The following POT1 variants were observed in gnomAD, a reference collection of about 807,000 sequenced individuals.
POT1 encodes protection of telomeres 1.
A neutral mutation model predicts 78.5 loss-of-function variants in POT1; 47 were observed. That is an observed-to-expected ratio of 0.60 (90% CI 0.47 to 0.76). The LOEUF (loss-of-function observed/expected upper bound fraction) is 0.76. POT1 is among the 30% of genes least tolerant of loss of function. POT1 has a pLI of 0.00. For missense variants in POT1, 646 were observed against 749.9 expected (o/e 0.86, Z 1.62); for synonymous variants, 259 against 260.7 (o/e 0.99, Z 0.06).
intron 13 of POT1, among the ~76,000 whole-genome samples, chr7:124,841,744 C>T (rs4728012): frequency 0.4 from 60,556 of 151,726 alleles, 12,217 homozygotes; most frequent in East Asian, 0.5. Context: ...TAACTTTAGA[C>T]AGTTTCCGTT....
intron 6 of POT1, among the ~76,000 whole-genome samples, chr7:124,885,293 C>CAAAAAA (rs11372618): frequency 2.2e-4 from 14 of 63,242 alleles, no homozygotes; most frequent in Non-Finnish European, 2.9e-4. Flanking sequence ...TCCATCTCTC[C>CAAAAAA]AAAAAAAAAA....
At chr7:124,886,372 TG>T (rs762454758) in intron 6 of POT1, among the ~76,000 whole-genome samples, 114 of 152,274 alleles carry the variant, frequency 7.5e-4, no homozygotes, top group Middle Eastern at 6.8e-3. Context: ...GGCACAGCTG[TG>T]GACTGTTCCT....
chr7:124,919,867 C>T (rs1191081855), intron 2 of POT1, among the ~76,000 whole-genome samples: 1 of 152,160 alleles, frequency 6.6e-6, no homozygotes, highest in Non-Finnish European at 1.5e-5. Flanking sequence ...GTGCTACAAA[C>T]TCCGTGTGCA....
At chr7:124,866,776 T>C (rs1310194593) in intron 7 of POT1, among the ~76,000 whole-genome samples, 2 of 152,182 alleles carry the variant, frequency 1.3e-5, no homozygotes, top group Non-Finnish European at 2.9e-5. Flanking sequence ...CATTGTCCGA[T>C]GCCTAAAAAA....
chr7:124,878,553 T>C (rs185528434), intron 6 of POT1, among the ~76,000 whole-genome samples: 2 of 152,212 alleles, frequency 1.3e-5, no homozygotes, highest in African/African-American at 4.8e-5. Context: ...CATTCCACAA[T>C]GTATACACGT....
chr7:124,852,112 G>C (rs1354177036), intron 10 of POT1, among the ~76,000 whole-genome samples, 161 bp from the exon 11 acceptor site: 1 of 151,980 alleles, frequency 6.6e-6, no homozygotes, highest in African/African-American at 2.4e-5. Flanking sequence ...CAGATTTTCC[G>C]GGGGTTCAAA....
At chr7:124,865,301 T>G (rs940445323) in intron 7 of POT1, among the ~76,000 whole-genome samples, 1 of 152,142 alleles carries the variant, frequency 6.6e-6, no homozygotes, top group South Asian at 2.1e-4. Context: ...GCACATACCC[T>G]GCATAAAGTA....
chr7:124,868,843 T>C (rs6946757), intron 7 of POT1, among the ~76,000 whole-genome samples: 2,137 of 151,386 alleles, frequency 0.014, 54 homozygotes, highest in African/African-American at 0.047. Flanking sequence ...AATTTTCATA[T>C]TGATTTCCTC....
At position 124,892,293 on chromosome 7, in the gene POT1, T is replaced by C. The variant is rs749815652; in HGVS notation, c.97A>G (p.Lys33Glu). 1 of 1,546,854 alleles carries C rather than the reference T, an allele frequency of 6.5e-7. No homozygotes were observed. The highest frequency in any genetic ancestry group is 1.2e-5 in the South Asian group (1 of 80,508). Residue 33 changes from lysine to glutamate, a missense_variant, in exon 6 of 19, where the codon AAG becomes GAG. Around this residue, in one of 2 missense-constraint regions of POT1, gnomAD observed 252 missense variants for 341.4 expected, o/e 0.74. Coordinates refer to ENST00000357628, the MANE Select transcript of POT1 (RefSeq NM_015450.3). ...GTTCCTTTGCTTAGATATGGGGGCT[T>C]AAAGAACTTCACAACACCATAGACA... ...VNVYGVVKFF[K>E]PPYLSKGTDY...
chr7:124,927,360 T>C (rs1797299024), intron 2 of POT1, among the ~76,000 whole-genome samples: 1 of 152,216 alleles, frequency 6.6e-6, no homozygotes. Context: ...CTCAGCCACT[T>C]ACTGGCTATT....
intron 6 of POT1, among the ~76,000 whole-genome samples, chr7:124,891,329 C>T (rs1796366443): frequency 6.6e-6 from 1 of 151,648 alleles, no homozygotes. Context: ...AGTATGGCCA[C>T]TTCTCCTCTT....
At chr7:124,852,884 G>C in intron 10 of POT1, 88 bp downstream of exon 10, 10 of 1,183,156 alleles carry the variant, frequency 8.5e-6, no homozygotes, top group Non-Finnish European at 1.2e-5. Context: ...AAAGGCTAGG[G>C]AACTATCAGA....
At chr7:124,869,079 T>C (rs1795801713) in intron 7 of POT1, among the ~76,000 whole-genome samples, 1 of 152,192 alleles carries the variant, frequency 6.6e-6, no homozygotes, top group Non-Finnish European at 1.5e-5. Flanking sequence ...GTTAATTTTA[T>C]ACAGTGATAA....
chr7:124,869,470 AAG>A (rs1261992888), intron 7 of POT1, among the ~76,000 whole-genome samples: 5 of 152,220 alleles, frequency 3.3e-5, no homozygotes, highest in African/African-American at 1.2e-4. Context: ...TATGTTTATG[AAG>A]AGTGTATTGT....
chr7:124,868,717 G>A (rs1795792112), intron 7 of POT1, among the ~76,000 whole-genome samples: 1 of 149,190 alleles, frequency 6.7e-6, no homozygotes. Context: ...ATATTATTTG[G>A]ATTATTTGAA....
chr7:124,871,730 AAT>A lies in POT1; in HGVS notation c.125-691_125-690del, dbSNP rs916663940. 4.9e-4 allele frequency among the ~76,000 whole-genome samples: 49 copies of A among 100,242 alleles called. 1 individual carries two copies. The highest frequency in any genetic ancestry group is 1.2e-3 in the African/African-American group (30 of 25,842). The allele number at this position is 100,242 out of a possible 152,430, so 65.8% of individuals were successfully genotyped here. ...AAAACTGTAATAGATCCTGCCTTAA[AAT>A]TTTTTTTTTTTTTTTGTAATTAACA... is the stretch of plus-strand genomic sequence containing the variant. On this transcript the variant is annotated intron_variant, in intron 6 of 18. Transcript: ENST00000357628.
intron 9 of POT1, among the ~76,000 whole-genome samples, chr7:124,853,764 ATAGT>A (rs1474444481): frequency 6.6e-6 from 1 of 152,088 alleles, no homozygotes; most frequent in Admixed American, 6.5e-5. Flanking sequence ...TAAATGTTCT[ATAGT>A]TAATCTCAGA....
chr7:124,893,147 G>A (rs984771654), intron 5 of POT1, among the ~76,000 whole-genome samples: 1 of 151,288 alleles, frequency 6.6e-6, no homozygotes, highest in African/African-American at 2.4e-5. Flanking sequence ...GTAGCTGGGG[G>A]ACAATAAATC....
intron 8 of POT1, among the ~76,000 whole-genome samples, chr7:124,859,854 A>G (rs1795543849): frequency 6.6e-6 from 1 of 150,598 alleles, no homozygotes; most frequent in African/African-American, 2.5e-5. Flanking sequence ...AAAAAAACAT[A>G]TAATATTAAC....
Sources: allele counts gnomAD v4.1 joint callset (sites outside exome capture counted in the v4.1 genomes callset), GRCh38; gene constraint gnomAD v4.1.1; regional missense constraint gnomAD v4.1.1; transcripts MANE v1.5; gene names NCBI Gene and HGNC (gene_info 2026-07-23, HGNC 2026-07-21).